GPC5: variants seen among roughly 807,000 people sequenced by gnomAD.
GPC5 encodes glypican 5, also known as glypican-5.
GPC5 carries 47 observed loss-of-function variants against 53.9 expected under a neutral mutation model. That is an observed-to-expected ratio of 0.87 (90% CI 0.69 to 1.11). The LOEUF is 1.11. Among genes scored for constraint, GPC5 ranks in the 50% most tolerant of loss-of-function variants. The probability of loss-of-function intolerance (pLI) is 0.00; values close to 1 mark genes in which losing one functional copy is unlikely to be tolerated. For synonymous variants in GPC5, 286 were observed against 263.3 expected (o/e 1.09, Z -0.84); for missense variants, 748 against 713.1 (o/e 1.05, Z -0.56).
intron 6 of GPC5, among the ~76,000 whole-genome samples, chr13:92,026,147 A>T (rs1231499865): frequency 6.6e-6 from 1 of 152,148 alleles, no homozygotes; most frequent in East Asian, 1.9e-4. Context: ...TCCTTCTTAA[A>T]GTGTTCTAAA....
At chr13:92,397,333 T>C (rs905861691) in intron 7 of GPC5, among the ~76,000 whole-genome samples, 1 of 152,174 alleles carries the variant, frequency 6.6e-6, no homozygotes, top group African/African-American at 2.4e-5. Flanking sequence ...TTTGATGGTT[T>C]CATAAGGGGA....
chr13:91,451,272 G>A (rs1881153977), intron 2 of GPC5, among the ~76,000 whole-genome samples: 1 of 152,088 alleles, frequency 6.6e-6, no homozygotes, highest in Non-Finnish European at 1.5e-5. Context: ...TCTGTTTTCC[G>A]AGTTATATTG....
At chr13:91,631,744 A>G (rs2034163314) in intron 2 of GPC5, among the ~76,000 whole-genome samples, 1 of 152,148 alleles carries the variant, frequency 6.6e-6, no homozygotes, top group Non-Finnish European at 1.5e-5. Flanking sequence ...AGGAGGAACC[A>G]AAGAGTTTGG....
At chr13:91,540,587 A>G (rs563075187) in intron 2 of GPC5, among the ~76,000 whole-genome samples, 2 of 152,336 alleles carry the variant, frequency 1.3e-5, no homozygotes, top group South Asian at 2.1e-4. Context: ...GGATTGCACA[A>G]TTGAAATGGG....
chr13:92,142,654 TTA>T (rs2041840075), intron 6 of GPC5, among the ~76,000 whole-genome samples: 1 of 152,184 alleles, frequency 6.6e-6, no homozygotes, highest in Non-Finnish European at 1.5e-5. Context: ...TAAAAATCAA[TTA>T]TCTTTCTGTT....
At chr13:92,735,164 G>C (rs558718749) in intron 7 of GPC5, among the ~76,000 whole-genome samples, 2 of 151,932 alleles carry the variant, frequency 1.3e-5, no homozygotes, top group Non-Finnish European at 2.9e-5. Context: ...AAAGTCTCAA[G>C]GAGCTTTGAT....
chr13:92,173,731 C>T (rs1299776983), intron 7 of GPC5, among the ~76,000 whole-genome samples: 1 of 152,134 alleles, frequency 6.6e-6, no homozygotes, highest in African/African-American at 2.4e-5. Context: ...CACTCATCTC[C>T]CCTTACTAAG....
chr13:92,579,823 T>A (rs533651452), intron 7 of GPC5, among the ~76,000 whole-genome samples: 1 of 152,242 alleles, frequency 6.6e-6, no homozygotes, highest in Non-Finnish European at 1.5e-5. Context: ...ACCTAACACA[T>A]CCTATAAGGT....
At chr13:92,155,414 T>A (rs1168009204) in intron 7 of GPC5, among the ~76,000 whole-genome samples, 1 of 152,188 alleles carries the variant, frequency 6.6e-6, no homozygotes, top group African/African-American at 2.4e-5. Flanking sequence ...TTTACTAGAA[T>A]GTATTTTGTG....
At chr13:91,744,082 T>A (rs1195834907) in intron 4 of GPC5, among the ~76,000 whole-genome samples, 3 of 152,122 alleles carry the variant, frequency 2.0e-5, no homozygotes, top group Non-Finnish European at 4.4e-5. Context: ...ACCAAAGGAT[T>A]TATAGTCTTC....
At chr13:91,755,211 A>C (rs2037263993) in intron 4 of GPC5, among the ~76,000 whole-genome samples, 1 of 152,102 alleles carries the variant, frequency 6.6e-6, no homozygotes, top group Non-Finnish European at 1.5e-5. Flanking sequence ...TCATTTTTAA[A>C]AAATTAGTTA....
At chr13:91,912,853 AATTGTATTTTGATACAT>A (rs2039623072) in intron 6 of GPC5, among the ~76,000 whole-genome samples, 1 of 152,214 alleles carries the variant, frequency 6.6e-6, no homozygotes, top group South Asian at 2.1e-4. Flanking sequence ...GTTCCTTAAC[AATTGTATTTTGATACAT>A]ATTGCCACGT....
At chr13:92,323,056 A>G (rs1337172791) in intron 7 of GPC5, among the ~76,000 whole-genome samples, 1 of 151,568 alleles carries the variant, frequency 6.6e-6, no homozygotes, top group Admixed American at 6.6e-5. Context: ...CTTAAAATCT[A>G]TATTATATAA....
chr13:91,525,200 T>C (rs573864975), intron 2 of GPC5, among the ~76,000 whole-genome samples: 6 of 152,254 alleles, frequency 3.9e-5, no homozygotes, highest in Middle Eastern at 3.4e-3. Context: ...ATCTTACTTT[T>C]CCCCCCAAGA....
chr13:92,099,660 G>C (rs901775899), intron 6 of GPC5, among the ~76,000 whole-genome samples: 7 of 152,270 alleles, frequency 4.6e-5, no homozygotes, highest in Admixed American at 1.3e-4. Flanking sequence ...GATGAATATA[G>C]TATCAACTGT....
intron 7 of GPC5, among the ~76,000 whole-genome samples, chr13:92,385,353 TAC>T (rs1476225672): frequency 4.6e-5 from 4 of 87,738 alleles, no homozygotes; most frequent in African/African-American, 1.7e-4. Context: ...TATACATATA[TAC>T]ATATATACAT....
At chr13:91,575,359 G>A (rs2032093896) in intron 2 of GPC5, among the ~76,000 whole-genome samples, 1 of 152,110 alleles carries the variant, frequency 6.6e-6, no homozygotes, top group African/African-American at 2.4e-5. Context: ...AGATGTATTT[G>A]TTCTATGAAT....
At chr13:92,517,907 G>A (rs1880860261) in intron 7 of GPC5, among the ~76,000 whole-genome samples, 1 of 152,134 alleles carries the variant, frequency 6.6e-6, no homozygotes, top group Admixed American at 6.5e-5. Context: ...CAAACCCAAT[G>A]CAAAGAAGTT....
intron 7 of GPC5, among the ~76,000 whole-genome samples, chr13:92,788,283 T>TAAAC (rs1876334531): frequency 6.6e-6 from 1 of 152,098 alleles, no homozygotes; most frequent in Non-Finnish European, 1.5e-5. Flanking sequence ...AATTTGATGT[T>TAAAC]AAACAACAGC....
Sources: gnomAD v4.1 joint callset for allele counts (sites outside exome capture counted in the v4.1 genomes callset) on GRCh38, gnomAD v4.1.1 for gene constraint, MANE v1.5 for transcripts, NCBI Gene and HGNC (gene_info 2026-07-23, HGNC 2026-07-21) for gene names.